PRKCH: variants seen among roughly 807,000 people sequenced by gnomAD.
The protein encoded by PRKCH is protein kinase C eta type.
Under a neutral mutation model 82.5 loss-of-function variants are expected in PRKCH, and 28 were observed. That is an observed-to-expected ratio of 0.34 (90% CI 0.25 to 0.47). PRKCH has a LOEUF of 0.47. PRKCH is among the 20% of genes least tolerant of loss of function. The pLI, the probability that PRKCH is intolerant of heterozygous loss-of-function variation, is 1.00. For synonymous variants in PRKCH, 322 were observed against 327.4 expected, an observed-to-expected ratio of 0.98 and a Z score of 0.18; for missense variants, 705 against 881.8, an observed-to-expected ratio of 0.80 and a Z score of 2.54.
chr14:61,328,596 T>C (rs1194993756), intron 1 of PRKCH, among the ~76,000 whole-genome samples: 1 of 152,048 alleles, frequency 6.6e-6, no homozygotes, highest in Admixed American at 6.5e-5. Flanking sequence ...TGGTGATTAG[T>C]GGTGATGGTA....
intron 10 of PRKCH, among the ~76,000 whole-genome samples, chr14:61,498,214 A>T (rs1221871510): frequency 1.3e-5 from 2 of 152,016 alleles, no homozygotes; most frequent in African/African-American, 4.8e-5. Flanking sequence ...GGGTTTCACC[A>T]TGTTGGCCAG....
chr14:61,322,504 C>T, intron 1 of PRKCH, 40 bp downstream of exon 1: 1 of 1,559,832 alleles, frequency 6.4e-7, no homozygotes. Context: ...TCCACCCAAC[C>T]CCCGTTCCCC....
intron 10 of PRKCH, among the ~76,000 whole-genome samples, chr14:61,506,860 T>C (rs138082469): frequency 1.8e-4 from 27 of 152,274 alleles, no homozygotes; most frequent in Admixed American, 9.8e-4. Context: ...TGAATGCACA[T>C]GTCTAAGCCC....
At chr14:61,471,007 T>C (rs1885477692) in intron 9 of PRKCH, among the ~76,000 whole-genome samples, 1 of 151,730 alleles carries the variant, frequency 6.6e-6, no homozygotes, top group Non-Finnish European at 1.5e-5. Context: ...AACTAACCTA[T>C]CCCTGCAGCC....
intron 2 of PRKCH, among the ~76,000 whole-genome samples, chr14:61,432,936 A>G (rs1883480922): frequency 1.4e-5 from 2 of 143,680 alleles, no homozygotes; most frequent in Admixed American, 1.4e-4. Context: ...GGGGGGATAC[A>G]TGTGCAGAGC....
intron 1 of PRKCH, among the ~76,000 whole-genome samples, chr14:61,221,403 T>A (rs1218044009): frequency 7.9e-5 from 12 of 152,140 alleles, no homozygotes; most frequent in Non-Finnish European, 1.2e-4. Context: ...TTCTCTCTCA[T>A]CTTCATCTCC....
chr14:61,539,546 A>G (rs1021143084), intron 12 of PRKCH, among the ~76,000 whole-genome samples: 1 of 152,176 alleles, frequency 6.6e-6, no homozygotes, highest in Admixed American at 6.5e-5. Context: ...GGCATTCTCA[A>G]ATATACCCAC....
chr14:61,269,503 T>C (rs1371867258), intron 1 of PRKCH, among the ~76,000 whole-genome samples: 1 of 152,142 alleles, frequency 6.6e-6, no homozygotes, highest in East Asian at 1.9e-4. Flanking sequence ...TTCCTGATCC[T>C]CTCCCTCCTC....
Position 61,322,019 on chromosome 14 carries a change from C to G in PRKCH, c.-83C>G, listed in dbSNP as rs1951964. The G allele has an allele frequency of 4.3e-3, 6,194 of 1,432,634 alleles. 252 individuals carry two copies. The East Asian group carries it at 0.1, about 24-fold the overall frequency. The allele number at this position is 1,432,634 out of a possible 1,614,324, so 88.7% of individuals were successfully genotyped here. A position where few individuals can be genotyped will look rare whatever the true frequency, so the allele number is the denominator to read the frequency against. ...GGCTGCCTCGACTCCTGCACCTGTC[C>G]CGAGGGCTGGCCTGAGACGGGACTC... On this transcript the variant is annotated 5_prime_UTR_variant, in exon 1 of 14. Coordinates refer to ENST00000332981, the MANE Select transcript of PRKCH (RefSeq NM_006255.5).
chr14:61,409,527 G>A (rs145337197), intron 2 of PRKCH, among the ~76,000 whole-genome samples: 244 of 151,406 alleles, frequency 1.6e-3, no homozygotes, highest in African/African-American at 5.7e-3. Flanking sequence ...GAGATGCCAG[G>A]CATCTCCACC....
At chr14:61,389,530 C>T (rs1433101604) in intron 1 of PRKCH, among the ~76,000 whole-genome samples, 1 of 151,702 alleles carries the variant, frequency 6.6e-6, no homozygotes, top group Non-Finnish European at 1.5e-5. Context: ...TACATACATA[C>T]ATACATACCT....
intron 2 of PRKCH, among the ~76,000 whole-genome samples, chr14:61,435,578 C>A (rs1883636557): frequency 6.6e-6 from 1 of 152,176 alleles, no homozygotes; most frequent in Admixed American, 6.5e-5. Flanking sequence ...CAGTGGTATG[C>A]ACCTGTAGTC....
intron 2 of PRKCH, among the ~76,000 whole-genome samples, chr14:61,427,931 C>T (rs1364519120): frequency 3.3e-5 from 5 of 151,852 alleles, no homozygotes; most frequent in Admixed American, 3.3e-4. Flanking sequence ...TGGTGGCTCA[C>T]ACCTATAATC....
intron 8 of PRKCH, 91 bp downstream of exon 8, chr14:61,457,410 C>A: frequency 1.3e-6 from 2 of 1,586,224 alleles, no homozygotes; most frequent in Non-Finnish European, 1.7e-6. Context: ...CACATACTCA[C>A]ATTTCTCATG....
upstream of PRKCH, among the ~76,000 whole-genome samples, chr14:61,318,726 T>C (rs542041282): frequency 3.9e-5 from 6 of 152,298 alleles, no homozygotes; most frequent in Admixed American, 3.3e-4. Flanking sequence ...CTCTGGACTT[T>C]GGCAACAGCT....
At chr14:61,487,846 T>C (rs1431178762) in intron 10 of PRKCH, among the ~76,000 whole-genome samples, 1 of 140,994 alleles carries the variant, frequency 7.1e-6, no homozygotes, top group Non-Finnish European at 1.6e-5. Flanking sequence ...AAAAAAAACA[T>C]ATACATATAT....
chr14:61,340,707 G>T (rs1166072272), intron 1 of PRKCH, among the ~76,000 whole-genome samples: 1 of 152,182 alleles, frequency 6.6e-6, no homozygotes, highest in Admixed American at 6.5e-5. Context: ...TGTCTGATAT[G>T]CTTGCTGGAC....
intron 1 of PRKCH, among the ~76,000 whole-genome samples, chr14:61,368,255 TCA>T (rs2046322400): frequency 6.6e-6 from 1 of 151,636 alleles, no homozygotes; most frequent in South Asian, 2.1e-4. Context: ...TTTCTGACAC[TCA>T]CAGTCTACCC....
chr14:61,498,879 C>T (rs942487736), intron 10 of PRKCH, among the ~76,000 whole-genome samples: 2 of 150,676 alleles, frequency 1.3e-5, no homozygotes, highest in African/African-American at 2.4e-5. Flanking sequence ...GCCATTCATT[C>T]ATACACGTGT....
Sources: allele counts gnomAD v4.1 joint callset (sites outside exome capture counted in the v4.1 genomes callset), GRCh38; gene constraint gnomAD v4.1.1; transcripts MANE v1.5; gene names NCBI Gene and HGNC (gene_info 2026-07-23, HGNC 2026-07-21).